Variants in COG5 observed in about 807,000 individuals in gnomAD.
COG5 encodes conserved oligomeric Golgi complex subunit 5.
In COG5, 86 loss-of-function variants were observed where a neutral mutation model predicts 110.4. The observed-to-expected ratio is 0.78, with a 90% confidence interval of 0.65 to 0.93. COG5 has a LOEUF of 0.93. Among genes scored for constraint, COG5 ranks in the 40% least tolerant of loss-of-function variants. The pLI is 0.00. For missense variants in COG5, 1,077 were observed against 987.0 expected (o/e 1.09, Z -1.22); for synonymous variants, 360 against 334.6 (o/e 1.08, Z -0.83).
intron 7 of COG5, among the ~76,000 whole-genome samples, chr7:107,390,846 A>G (rs1160920009): frequency 2.0e-5 from 3 of 151,224 alleles, no homozygotes; most frequent in Non-Finnish European, 4.4e-5. Flanking sequence ...TGATACAGAA[A>G]AGGGGGAGAT....
intron 11 of COG5, among the ~76,000 whole-genome samples, chr7:107,318,984 G>C (rs148251798): frequency 6.6e-6 from 1 of 151,992 alleles, no homozygotes; most frequent in African/African-American, 2.4e-5. Context: ...ACATATGTTA[G>C]ATTGCTTGAT....
chr7:107,526,139 C>A (rs1417682635), intron 6 of COG5, among the ~76,000 whole-genome samples: 1 of 152,174 alleles, frequency 6.6e-6, no homozygotes, highest in Non-Finnish European at 1.5e-5. Flanking sequence ...TTCTCTGATA[C>A]TATTTTGGCA....
chr7:107,285,104 T>C (rs1584620819), intron 12 of COG5, among the ~76,000 whole-genome samples: 1 of 152,206 alleles, frequency 6.6e-6, no homozygotes. Flanking sequence ...CTGAGAATAC[T>C]ACGCACCAGG....
chr7:107,227,518 T>A (rs562325297), intron 19 of COG5, among the ~76,000 whole-genome samples: 4 of 152,170 alleles, frequency 2.6e-5, no homozygotes. Context: ...TTAGAGATTC[T>A]TTCTCTCATG....
intron 7 of COG5, 54 bp downstream of exon 7, chr7:107,412,448 T>A: frequency 1.3e-6 from 2 of 1,553,002 alleles, no homozygotes; most frequent in Non-Finnish European, 1.8e-6. Context: ...AGTCAAATGT[T>A]CACCTGTATT....
intron 21 of COG5, chr7:107,210,058 A>T: frequency 9.7e-7 from 1 of 1,030,880 alleles, no homozygotes. Flanking sequence ...TTCATGGGGC[A>T]CTACTGGAGG....
chr7:107,385,696 G>T (rs1790133724), intron 7 of COG5, among the ~76,000 whole-genome samples: 1 of 152,222 alleles, frequency 6.6e-6, no homozygotes, highest in African/African-American at 2.4e-5. Context: ...GAGGTTTCCA[G>T]AGGTTAGGAG....
At chr7:107,269,620 T>C (rs1804081922) in intron 14 of COG5, among the ~76,000 whole-genome samples, 1 of 152,252 alleles carries the variant, frequency 6.6e-6, no homozygotes, top group Non-Finnish European at 1.5e-5. Context: ...TGTATTTTAG[T>C]TCCATCTTAC....
chr7:107,539,453 G>T (rs945924142), intron 5 of COG5, among the ~76,000 whole-genome samples: 1 of 152,144 alleles, frequency 6.6e-6, no homozygotes, highest in Admixed American at 6.5e-5. Flanking sequence ...ACTACATAAT[G>T]AATGATCAAT....
intron 16 of COG5, among the ~76,000 whole-genome samples, chr7:107,254,248 A>G (rs552033791): frequency 6.6e-6 from 1 of 152,288 alleles, no homozygotes; most frequent in East Asian, 1.9e-4. Context: ...TATCTTCTCT[A>G]TGAAATAAAA....
intron 7 of COG5, among the ~76,000 whole-genome samples, chr7:107,404,123 C>T (rs1791636693): frequency 6.6e-6 from 1 of 152,062 alleles, no homozygotes; most frequent in South Asian, 2.1e-4. Flanking sequence ...ACTAATTTCA[C>T]AACTGGTAAA....
intron 14 of COG5, among the ~76,000 whole-genome samples, chr7:107,260,077 T>C (rs181692489): frequency 6.8e-6 from 1 of 147,732 alleles, no homozygotes; most frequent in African/African-American, 2.4e-5. Flanking sequence ...CTCCTAGTGA[T>C]ATATATATAT....
At chr7:107,276,530 G>C (rs1191554451) in intron 14 of COG5, among the ~76,000 whole-genome samples, 1 of 152,148 alleles carries the variant, frequency 6.6e-6, no homozygotes, top group Non-Finnish European at 1.5e-5. Flanking sequence ...AAATTAGCTA[G>C]GCATGCTGGC....
intron 6 of COG5, among the ~76,000 whole-genome samples, chr7:107,511,934 A>G (rs190136575): frequency 7.9e-5 from 12 of 152,374 alleles, no homozygotes; most frequent in East Asian, 1.9e-4. Flanking sequence ...TCCACAGCCA[A>G]TATCATACAG....
chr7:107,487,876 A>G (rs1797741871), intron 6 of COG5, among the ~76,000 whole-genome samples: 1 of 152,162 alleles, frequency 6.6e-6, no homozygotes, highest in East Asian at 1.9e-4. Flanking sequence ...GGTACAAAAT[A>G]GTATGTATAA....
At chr7:107,529,353 T>C (rs1801009535) in intron 5 of COG5, among the ~76,000 whole-genome samples, 1 of 152,194 alleles carries the variant, frequency 6.6e-6, no homozygotes, top group Admixed American at 6.5e-5. Flanking sequence ...ACTGATAAAT[T>C]GGCAGCCAGT....
At chr7:107,316,657 C>CAAAAAAA (rs760555445) in intron 11 of COG5, among the ~76,000 whole-genome samples, 294 of 75,868 alleles carry the variant, frequency 3.9e-3, no homozygotes, top group Non-Finnish European at 5.5e-3. Flanking sequence ...ACTAAAAATA[C>CAAAAAAA]AAAAAAAAAA....
chr7:107,509,707 A>T (rs1356815798), intron 6 of COG5, among the ~76,000 whole-genome samples: 1 of 144,232 alleles, frequency 6.9e-6, no homozygotes, highest in Admixed American at 7.0e-5. Flanking sequence ...CTCTCGGCAG[A>T]AACTCTACAA....
intron 12 of COG5, among the ~76,000 whole-genome samples, chr7:107,289,547 C>A (rs993485698): frequency 6.6e-6 from 1 of 152,062 alleles, no homozygotes; most frequent in African/African-American, 2.4e-5. Flanking sequence ...AGCTGAGATT[C>A]TGATAGTGAT....
Sources: gnomAD v4.1 joint callset for allele counts (sites outside exome capture counted in the v4.1 genomes callset) on GRCh38, gnomAD v4.1.1 for gene constraint, MANE v1.5 for transcripts, NCBI Gene and HGNC (gene_info 2026-07-23, HGNC 2026-07-21) for gene names.